ZNF468: variants seen among roughly 807,000 people sequenced by gnomAD.
The protein encoded by ZNF468 is zinc finger protein 468, also known as zinc finger protein ZNF468.
ZNF468 carries 8 observed loss-of-function variants against 7.2 expected under a neutral mutation model. That is an observed-to-expected ratio of 1.11 (90% CI 0.65 to 2.01). The LOEUF (loss-of-function observed/expected upper bound fraction) is 2.01, where lower values mean the gene tolerates loss of function less well. ZNF468 is among the 30% of genes most tolerant of loss of function. The pLI is 0.00. For missense variants in ZNF468, 608 were observed against 626.5 expected (o/e 0.97, Z 0.31); for synonymous variants, 218 against 214.4 (o/e 1.02, Z -0.15).
chr19:52,854,167 C>T, intron 2 of ZNF468, 91 bp downstream of exon 2: 6 of 1,606,484 alleles, frequency 3.7e-6, no homozygotes, highest in Non-Finnish European at 5.1e-6. Flanking sequence ...ACATGTCAGG[C>T]AGGTCATTCA....
chr19:52,844,971 A>G (rs1225980105), intron 3 of ZNF468, among the ~76,000 whole-genome samples: 2 of 152,200 alleles, frequency 1.3e-5, no homozygotes, highest in Non-Finnish European at 2.9e-5. Context: ...AAAACTTGCA[A>G]TACTTGAAGC....
Position 52,855,786 on chromosome 19 carries a change from G to C in ZNF468, c.-73-1441C>G, listed in dbSNP as rs546401102. On this transcript the variant is annotated intron_variant, in intron 1 of 3. Transcript: ENST00000595646. ...AGAAAAAAAGCCACACCCAGACACC[G>C]CCTCTATTTTGCCAATCATTTCAGG... 8.5e-5 allele frequency among the ~76,000 whole-genome samples: 13 copies of C among 152,134 alleles called. No homozygotes were observed. In the East Asian group the frequency reaches 1.6e-3, roughly 18 times the overall value.
chr19:52,854,953 C>T (rs544177126), intron 1 of ZNF468, among the ~76,000 whole-genome samples: 2 of 152,056 alleles, frequency 1.3e-5, no homozygotes, highest in African/African-American at 4.8e-5. Context: ...ACCTGCGCGA[C>T]CCGAGATCGC....
At chr19:52,852,422 T>C (rs2063397770) in intron 2 of ZNF468, among the ~76,000 whole-genome samples, 2 of 152,044 alleles carry the variant, frequency 1.3e-5, no homozygotes, top group Admixed American at 1.3e-4. Context: ...ACGCCTGTAA[T>C]CTCAACACTT....
chr19:52,838,054 C>T lies in ZNF468; in HGVS notation c.*2671G>A, dbSNP rs1244432908. 6.6e-6 allele frequency: 1 copy of T among 152,122 alleles called. No individual in the cohort carries two copies. The highest frequency in any genetic ancestry group is 1.9e-4 in the East Asian group (1 of 5,186). The allele number at this position is 152,122 out of a possible 1,614,324, so 9.4% of individuals were successfully genotyped here. A position where few individuals can be genotyped will look rare whatever the true frequency, so the allele number is the denominator to read the frequency against. ...GTTTATTTTGGTGCAGAAAATGTGA[C>T]ATCATGTGCAATTTTCACATAATAT... On this transcript the variant is annotated 3_prime_UTR_variant, in exon 4 of 4. Coordinates refer to ENST00000595646, the MANE Select transcript of ZNF468 (RefSeq NM_001008801.2).
In ZNF468 at chr19:52,840,799, C is replaced by T; in HGVS notation, c.1495G>A (p.Glu499Lys). ...HTGEKPYKCNECGKTFSQMSS... is the reference protein window; with the variant it reads ...HTGEKPYKCNKCGKTFSQMSS... Reference sequence around the variant, plus strand: ...ATCTGACTGAAGGTCTTGCCACACTCATTACACTTGTAAGGTTTCTCTCCA... The same window carrying T: ...ATCTGACTGAAGGTCTTGCCACACTTATTACACTTGTAAGGTTTCTCTCCA... Residue 499 changes from glutamate to lysine, a missense_variant, in exon 4 of 4, where the codon GAG becomes AAG. By Grantham distance (56) the Glu-to-Lys change is moderately conservative. Transcript: ENST00000595646. The T allele has an allele frequency of 1.9e-6, 3 of 1,609,136 alleles. No homozygotes were observed. Among genetic ancestry groups the T allele is most frequent in the Non-Finnish European group, 2.5e-6 (3 of 1,177,834 alleles).
chr19:52,856,758 C>T (rs1002480996), intron 1 of ZNF468, among the ~76,000 whole-genome samples: 8 of 151,214 alleles, frequency 5.3e-5, no homozygotes, highest in Non-Finnish European at 8.9e-5. Context: ...CTTTTCTCCT[C>T]CTGCTTTCTT....
rs1272630698 is a variant in ZNF468 at position 52,841,326 on chromosome 19, C to G, written c.968G>C (p.Gly323Ala). The change falls in exon 4 of 4, where the codon GGA becomes GCA. Residue 323 changes from glycine to alanine, a missense_variant. By Grantham distance (60) the Gly-to-Ala change is moderately conservative. Transcript: ENST00000595646. ...AACCTTACATTTGTATGGTTTCTCTCCAGTATGAATCCTCTTATGTCTTTC... is the reference window on the plus strand; with the variant it reads ...AACCTTACATTTGTATGGTTTCTCTGCAGTATGAATCCTCTTATGTCTTTC... ...HLERHKRIHT[G>A]EKPYKCKVCD... 1.5e-5 allele frequency: 24 copies of G among 1,613,802 alleles called. No homozygotes were observed. Among genetic ancestry groups the G allele is most frequent in the Middle Eastern group, 3.3e-4 (2 of 6,082 alleles).
chr19:52,848,535 T>C (rs1328602433), intron 3 of ZNF468, among the ~76,000 whole-genome samples: 3 of 152,162 alleles, frequency 2.0e-5, no homozygotes, highest in African/African-American at 7.2e-5. Context: ...TGGATATCTT[T>C]AAAGTCTGCC....
intron 3 of ZNF468, among the ~76,000 whole-genome samples, chr19:52,843,784 C>T (rs2063323437): frequency 1.3e-5 from 2 of 152,124 alleles, no homozygotes; most frequent in Admixed American, 1.3e-4. Flanking sequence ...TCACTACCTT[C>T]TGATATATGA....
At chr19:52,855,443 G>T (rs1846368485) in intron 1 of ZNF468, among the ~76,000 whole-genome samples, 1 of 152,368 alleles carries the variant, frequency 6.6e-6, no homozygotes, top group East Asian at 1.9e-4. Flanking sequence ...GGCAGAGGGA[G>T]TCAGATGAGG....
Position 52,841,634 on chromosome 19 carries a change from G to C in ZNF468, c.660C>G (p.Ser220Arg), listed in dbSNP as rs112078093. 5.6e-5 allele frequency: 90 copies of C among 1,614,000 alleles called. No homozygotes were observed. The African/African-American group carries it at 8.0e-4, about 14-fold the overall frequency. ...GTGAGCTGCAATTAAAGGATTTGAAGCTCTGTATACATTCAAAAGATTTTT... is the reference window on the plus strand; with the variant it reads ...GTGAGCTGCAATTAAAGGATTTGAACCTCTGTATACATTCAAAAGATTTTT... The part of the protein sequence containing the change: ...MREKSFECIQ[S>R]FKSFNCSSLL... The change falls in exon 4 of 4, where the codon AGC becomes AGG. Residue 220 changes from serine to arginine, a missense_variant. Physicochemically the swap from Ser to Arg is moderately radical, Grantham distance 110 (BLOSUM62 -1). Coordinates refer to ENST00000595646, the MANE Select transcript of ZNF468 (RefSeq NM_001008801.2).
chr19:52,854,207 G>T (rs1568684113), intron 2 of ZNF468, 51 bp downstream of exon 2: 1 of 1,613,166 alleles, frequency 6.2e-7, no homozygotes, highest in South Asian at 1.1e-5. Context: ...CCAAGGCCCA[G>T]GGTATCTGAA....
At chr19:52,846,932 C>G (rs979808544) in intron 3 of ZNF468, among the ~76,000 whole-genome samples, 1 of 151,906 alleles carries the variant, frequency 6.6e-6, no homozygotes, top group African/African-American at 2.4e-5. Flanking sequence ...GCCCGGGAGG[C>G]GGAGGCTGCA....
rs533071575 is a variant in ZNF468, at chr19:52,857,239, G to A, written c.-74+333C>T. On this transcript the variant is annotated intron_variant, in intron 1 of 3. Coordinates refer to ENST00000595646, the MANE Select transcript of ZNF468 (RefSeq NM_001008801.2). ...TCCAGGAACCCAGGAGAGTAAGGCT[G>A]GGAGGCGCACAGGGTGGGAATACAC... is the stretch of plus-strand genomic sequence containing the variant. Among the ~76,000 whole-genome samples the A allele has an allele frequency of 5.9e-5, 9 of 152,236 alleles. No individual in the cohort carries two copies. In the South Asian group the frequency reaches 1.5e-3, roughly 25 times the overall value.
intron 1 of ZNF468, among the ~76,000 whole-genome samples, 159 bp from the exon 2 acceptor site, chr19:52,854,504 C>A (rs1362189371): frequency 3.3e-5 from 5 of 152,242 alleles, no homozygotes; most frequent in Middle Eastern, 3.4e-3. Context: ...CTCCCACTCT[C>A]CTCCTGGAGA....
chr19:52,843,716 A>G (rs1366154693), intron 3 of ZNF468, among the ~76,000 whole-genome samples: 1 of 152,222 alleles, frequency 6.6e-6, no homozygotes, highest in Non-Finnish European at 1.5e-5. Flanking sequence ...TTAAGAAAAA[A>G]GCCAAAACTT....
chr19:52,849,291 G>T (rs2063365464), intron 2 of ZNF468, 78 bp from the exon 3 acceptor site: 2 of 1,601,412 alleles, frequency 1.2e-6, no homozygotes, highest in Admixed American at 3.4e-5. Flanking sequence ...GAGGAGAGAG[G>T]GGAAAGCATG....
rs2063277859 is a variant in ZNF468 at position 52,839,681 on chromosome 19, T to C, written c.*1044A>G. The C allele has an allele frequency of 2.0e-5, 11 of 544,452 alleles. No individual in the cohort carries two copies. The highest frequency in any genetic ancestry group is 3.7e-5 in the Non-Finnish European group (10 of 268,804). The allele number at this position is 544,452 out of a possible 1,614,324, so 33.7% of individuals were successfully genotyped here. ...TGAGGTGTGAATGTGAAGTAAACGC[T>C]TTGCCACAATCATCACACTTGTGAG... is the stretch of plus-strand genomic sequence containing the variant. On this transcript the variant is annotated 3_prime_UTR_variant, in exon 4 of 4. Coordinates refer to ENST00000595646, the MANE Select transcript of ZNF468 (RefSeq NM_001008801.2).
Sources: gnomAD v4.1 joint callset for allele counts (sites outside exome capture counted in the v4.1 genomes callset) on GRCh38, gnomAD v4.1.1 for gene constraint, MANE v1.5 for transcripts, NCBI Gene and HGNC (gene_info 2026-07-23, HGNC 2026-07-21) for gene names.